The following GLIS3 variants were observed in gnomAD, a reference collection of about 807,000 sequenced individuals.
GLIS3 encodes the protein zinc finger protein GLIS3.
In GLIS3, 53 loss-of-function variants were observed where a neutral mutation model predicts 78.6. The observed-to-expected ratio is 0.67, with a 90% confidence interval of 0.54 to 0.85. The LOEUF is 0.85. Ranked by LOEUF, GLIS3 falls within the 40% of genes least tolerant of loss-of-function variation. GLIS3 has a pLI of 0.00. For missense variants in GLIS3, 1,703 were observed against 1,231.1 expected (o/e 1.38, Z -5.74); for synonymous variants, 684 against 509.9 (o/e 1.34, Z -4.60).
the GLIS3 span, among the ~76,000 whole-genome samples, chr9:4,368,478 G>A: frequency 3.3e-5 from 5 of 152,096 alleles, no homozygotes; most frequent in African/African-American, 7.2e-5. Flanking sequence ...CCAAGTAGCC[G>A]GGACTACAGG....
chr9:4,387,058 AT>A, the GLIS3 span, among the ~76,000 whole-genome samples: 5 of 152,172 alleles, frequency 3.3e-5, no homozygotes, highest in Admixed American at 2.6e-4. Context: ...CTGAAGCTTG[AT>A]GGTCTCTAGG....
chr9:4,435,704 CT>C, the GLIS3 span, among the ~76,000 whole-genome samples: 1 of 152,174 alleles, frequency 6.6e-6, no homozygotes, highest in South Asian at 2.1e-4. Flanking sequence ...AATCCCAGCA[CT>C]TTGGGAGGCC....
intron 2 of GLIS3, among the ~76,000 whole-genome samples, chr9:4,334,223 T>C (rs983563494): frequency 3.9e-5 from 6 of 152,214 alleles, no homozygotes; most frequent in African/African-American, 1.2e-4. Context: ...GACCATCTGA[T>C]AGTGTAAATT....
chr9:3,957,290 T>C (rs986541057), intron 4 of GLIS3, among the ~76,000 whole-genome samples: 35 of 152,236 alleles, frequency 2.3e-4, no homozygotes, highest in African/African-American at 8.0e-4. Context: ...TGTATTTGGA[T>C]TGAATAACAC....
At chr9:4,446,847 G>A in the GLIS3 span, among the ~76,000 whole-genome samples, 2 of 151,808 alleles carry the variant, frequency 1.3e-5, no homozygotes, top group African/African-American at 4.8e-5. Context: ...TGCTTTCATT[G>A]TGTGACCTCT....
the GLIS3 span, among the ~76,000 whole-genome samples, chr9:4,464,440 G>A: frequency 6.6e-6 from 1 of 151,108 alleles, no homozygotes; most frequent in Non-Finnish European, 1.5e-5. Flanking sequence ...TGTCACCCAG[G>A]CTGGAGTGCA....
chr9:4,434,244 C>T, the GLIS3 span, among the ~76,000 whole-genome samples: 2 of 152,066 alleles, frequency 1.3e-5, no homozygotes, highest in Non-Finnish European at 2.9e-5. Context: ...TATATATTTC[C>T]AAGCACCTGC....
At chr9:4,227,202 C>T (rs773897736) in intron 2 of GLIS3, among the ~76,000 whole-genome samples, 8 of 151,670 alleles carry the variant, frequency 5.3e-5, no homozygotes, top group Non-Finnish European at 8.8e-5. Context: ...CTTCCTCCCT[C>T]GGTTGGGTGT....
chr9:4,350,485 G>A (rs567401703), upstream of GLIS3, among the ~76,000 whole-genome samples: 1 of 152,122 alleles, frequency 6.6e-6, no homozygotes, highest in Non-Finnish European at 1.5e-5. Context: ...CTATTCACCT[G>A]TGCACAGTGT....
chr9:4,105,388 G>T (rs1002246133), intron 4 of GLIS3, among the ~76,000 whole-genome samples: 3 of 152,136 alleles, frequency 2.0e-5, no homozygotes, highest in African/African-American at 7.2e-5. Context: ...CAAGACACTT[G>T]GCAGCATCAT....
intron 4 of GLIS3, among the ~76,000 whole-genome samples, chr9:4,019,208 G>A (rs888627196): frequency 6.6e-6 from 1 of 152,172 alleles, no homozygotes; most frequent in African/African-American, 2.4e-5. Flanking sequence ...TTATGGAATG[G>A]CGTTTAAAGT....
At chr9:4,298,439 T>A (rs979781448) in intron 1 of GLIS3, 1 of 451,722 alleles carries the variant, frequency 2.2e-6, no homozygotes, top group Non-Finnish European at 4.4e-6. Context: ...TTCCAGACAC[T>A]TGAGTGACTT....
At chr9:4,202,155 T>TTC (rs959595052) in intron 2 of GLIS3, among the ~76,000 whole-genome samples, 16 of 145,738 alleles carry the variant, frequency 1.1e-4, no homozygotes, top group African/African-American at 1.5e-4. Flanking sequence ...CCTTTTTCTT[T>TTC]TTTTTTTTTT....
At chr9:4,234,536 C>T (rs1290161876) in intron 2 of GLIS3, among the ~76,000 whole-genome samples, 2 of 152,140 alleles carry the variant, frequency 1.3e-5, no homozygotes, top group Non-Finnish European at 2.9e-5. Context: ...ACAATAGTAA[C>T]ACAAAACATC....
the GLIS3 span, among the ~76,000 whole-genome samples, chr9:4,471,038 C>A: frequency 6.6e-6 from 1 of 151,694 alleles, no homozygotes; most frequent in Non-Finnish European, 1.5e-5. Context: ...CCTAGGAATC[C>A]AACTTACAAG....
intron 4 of GLIS3, among the ~76,000 whole-genome samples, chr9:4,103,185 A>G (rs1303507535): frequency 6.6e-6 from 1 of 152,162 alleles, no homozygotes; most frequent in Non-Finnish European, 1.5e-5. Flanking sequence ...AAGGTTTTTC[A>G]TTTAGCTGTT....
chr9:4,248,607 T>C (rs936061108), intron 2 of GLIS3, among the ~76,000 whole-genome samples: 4 of 152,214 alleles, frequency 2.6e-5, no homozygotes, highest in African/African-American at 9.6e-5. Flanking sequence ...ATATACTCAG[T>C]AGTGGGATTG....
chr9:4,145,756 C>T (rs1288129090), intron 2 of GLIS3, among the ~76,000 whole-genome samples: 2 of 151,954 alleles, frequency 1.3e-5, no homozygotes, highest in South Asian at 2.1e-4. Context: ...CCCCCTCCCT[C>T]CCTCACTTTC....
In GLIS3 at chr9:4,295,293, G is replaced by A. The variant is rs537617634; in HGVS notation, c.-99+4128C>T. On this transcript the variant is annotated intron_variant, in intron 1 of 10. Coordinates refer to ENST00000381971, the MANE Select transcript of GLIS3 (RefSeq NM_001042413.2). ...GAATTTTCCTGCTTCCTACACTGGT[G>A]TCACATTAGACATTTCACTTGTGTC... 2.0e-5 allele frequency among the ~76,000 whole-genome samples: 3 copies of A among 152,212 alleles called. No homozygotes were observed. In the South Asian group the frequency reaches 6.2e-4, roughly 32 times the overall value.
Sources: allele counts gnomAD v4.1 joint callset (sites outside exome capture counted in the v4.1 genomes callset), GRCh38; gene constraint gnomAD v4.1.1; transcripts MANE v1.5; gene names NCBI Gene and HGNC (gene_info 2026-07-23, HGNC 2026-07-21).